Variants in NBPF12 observed in about 807,000 individuals in gnomAD.
The protein encoded by NBPF12 is NBPF member 12.
In NBPF12, 115 loss-of-function variants were observed where a neutral mutation model predicts 146.4. The observed-to-expected ratio is 0.79, with a 90% CI of 0.68 to 0.92. NBPF12 has a LOEUF of 0.92. Ranked by LOEUF, NBPF12 falls within the 40% of genes least tolerant of loss-of-function variation. The pLI is 0.00. For missense variants in NBPF12, 1,205 were observed against 1,326.8 expected (o/e 0.91, Z 1.43); for synonymous variants, 385 against 508.9 (o/e 0.76, Z 3.28).
chr1:146,942,761 ACAGATAGAC>A (rs1344744840), intron 1 of NBPF12, among the ~76,000 whole-genome samples: 5,841 of 143,746 alleles, frequency 0.041, 440 homozygotes, highest in African/African-American at 0.15. Flanking sequence ...ATATACGGGT[ACAGATAGAC>A]CAGATAGACC....
upstream of NBPF12, among the ~76,000 whole-genome samples, chr1:146,945,771 T>C (rs1246262938): frequency 2.6e-5 from 4 of 152,250 alleles, no homozygotes; most frequent in African/African-American, 9.6e-5. Context: ...TTCGTTACAA[T>C]TGATGAACCA....
At chr1:146,942,674 A>G (rs1461054474) in intron 1 of NBPF12, among the ~76,000 whole-genome samples, 2 of 146,666 alleles carry the variant, frequency 1.4e-5, no homozygotes, top group Non-Finnish European at 3.0e-5. Context: ...AAACCTTTGT[A>G]TGTGTAGCTG....
At chr1:146,949,090 C>T (rs1259701751), upstream of NBPF12, among the ~76,000 whole-genome samples, 2 of 152,170 alleles carry the variant, frequency 1.3e-5, no homozygotes, top group African/African-American at 4.8e-5. Context: ...TCCGGAAACG[C>T]CCGATAATGA....
chr1:146,950,585 T>C (rs1264025881), intron 1 of NBPF12, among the ~76,000 whole-genome samples: 1 of 151,940 alleles, frequency 6.6e-6, no homozygotes, highest in Non-Finnish European at 1.5e-5. Flanking sequence ...GCTCTGCATT[T>C]CTTGAAACCA....
chr1:146,943,865 C>G (rs1654908102), intron 2 of NBPF12, among the ~76,000 whole-genome samples: 1 of 140,734 alleles, frequency 7.1e-6, no homozygotes, highest in African/African-American at 2.6e-5. Flanking sequence ...CTCTCACCCC[C>G]CATTCTCTGC....
intron 16 of NBPF12, 132 bp from the exon 20 acceptor site, chr1:146,976,796 AG>A (rs1157800029): frequency 1.8e-6 from 1 of 570,826 alleles, no homozygotes; most frequent in African/African-American, 2.0e-5. Flanking sequence ...ATTCTGTTAA[AG>A]ATAAAACATG....
intron 2 of NBPF12, among the ~76,000 whole-genome samples, chr1:146,954,874 TACACACCCAC>T (rs1214683713): frequency 2.4e-5 from 3 of 127,582 alleles, no homozygotes; most frequent in African/African-American, 8.6e-5. Context: ...TATATATGTA[TACACACCCAC>T]ACACACACAC....
chr1:146,939,744 G>C (rs1362110676), intron 1 of NBPF12, among the ~76,000 whole-genome samples: 1 of 151,932 alleles, frequency 6.6e-6, no homozygotes, highest in African/African-American at 2.4e-5. Flanking sequence ...AGCACTTTAA[G>C]AGGCCGACGC....
upstream of NBPF12, among the ~76,000 whole-genome samples, chr1:146,948,613 T>G (rs1655178751): frequency 6.6e-6 from 1 of 152,070 alleles, no homozygotes; most frequent in Admixed American, 6.5e-5. Context: ...TGCGGAAGAC[T>G]GCAGGGACCT....
At chr1:146,963,459 A>G in intron 6 of NBPF12, 150 bp downstream of exon 9, 2 of 1,551,656 alleles carry the variant, frequency 1.3e-6, no homozygotes, top group South Asian at 1.1e-5. Context: ...CTGGGTAAGA[A>G]CAGAAATGGG....
rs1188332666 is a variant in NBPF12 at position 146,966,379 on chromosome 1, G to A, written c.779-85G>A. The A allele has an allele frequency of 1.6e-3, 1,776 of 1,139,442 alleles. 62 individuals carry two copies. The African/African-American group carries it at 0.024, about 15-fold the overall frequency. 70.6% of individuals were successfully genotyped at this position (1,139,442 alleles called of 1,614,324 possible). On this transcript the variant is annotated intron_variant, in intron 8 of 33. Transcript: ENST00000617844. ...CATCTTCGAATAAGTACACAAGGCT[G>A]CCAGTGACATCCCTCAGTCCTGATT... is the stretch of plus-strand genomic sequence containing the variant.
At chr1:146,945,034 C>T (rs1216754549), upstream of NBPF12, among the ~76,000 whole-genome samples, 4 of 110,226 alleles carry the variant, frequency 3.6e-5, no homozygotes, top group East Asian at 3.0e-4. Context: ...CTTCCTTCCT[C>T]CCTCCCTCCC....
At chr1:146,982,458 G>C (rs1657455725) in intron 19 of NBPF12, among the ~76,000 whole-genome samples, 1 of 150,580 alleles carries the variant, frequency 6.6e-6, no homozygotes, top group Admixed American at 6.6e-5. Flanking sequence ...GTAGTATGTT[G>C]GCTAGTATTT....
chr1:146,963,443 G>A, intron 6 of NBPF12, 134 bp downstream of exon 9: 1 of 1,580,702 alleles, frequency 6.3e-7, no homozygotes, highest in Non-Finnish European at 8.6e-7. Flanking sequence ...ACATGATCAG[G>A]ACTTCCTGGG....
At chr1:146,974,364 G>A (rs1284501590) in intron 14 of NBPF12, among the ~76,000 whole-genome samples, 1 of 139,640 alleles carries the variant, frequency 7.2e-6, no homozygotes, top group South Asian at 2.3e-4. Flanking sequence ...GAGCCTTCCT[G>A]ACTGTACAAG....
intron 2 of NBPF12, among the ~76,000 whole-genome samples, chr1:146,954,796 C>T (rs1469742332): frequency 6.7e-6 from 1 of 148,588 alleles, no homozygotes. Flanking sequence ...GAATATATAT[C>T]AGTGGAAGAG....
intron 8 of NBPF12, among the ~76,000 whole-genome samples, chr1:146,966,160 C>A (rs1656193630): frequency 6.6e-6 from 1 of 151,916 alleles, no homozygotes; most frequent in Non-Finnish European, 1.5e-5. Flanking sequence ...AAAATGAAAT[C>A]TTTTGTGCTA....
chr1:146,963,831 C>T (rs1171666990), intron 6 of NBPF12, among the ~76,000 whole-genome samples: 2 of 145,720 alleles, frequency 1.4e-5, no homozygotes, highest in Non-Finnish European at 3.0e-5. Flanking sequence ...TTGGAGAAGG[C>T]ACTTGATGTG....
intron 1 of NBPF12, among the ~76,000 whole-genome samples, chr1:146,940,943 A>G (rs1654772536): frequency 6.6e-6 from 1 of 151,732 alleles, no homozygotes; most frequent in Non-Finnish European, 1.5e-5. Context: ...GTTTTCATTG[A>G]TATGCTTTTC....
Sources: gnomAD v4.1 joint callset for allele counts (sites outside exome capture counted in the v4.1 genomes callset) on GRCh38, gnomAD v4.1.1 for gene constraint, MANE v1.5 for transcripts, NCBI Gene and HGNC (gene_info 2026-07-23, HGNC 2026-07-21) for gene names.